Variants in SERPINB6 observed in about 807,000 individuals in gnomAD.
The protein encoded by SERPINB6 is serpin family B member 6, also known as serpin B6.
Under a neutral mutation model 26.1 loss-of-function variants are expected in SERPINB6, and 16 were observed. That is an observed-to-expected ratio of 0.61 (90% CI 0.42 to 0.93). SERPINB6 has a LOEUF of 0.93. SERPINB6 is among the 40% of genes least tolerant of loss of function. The pLI is 0.00. For synonymous variants in SERPINB6, 174 were observed against 176.6 expected (o/e 0.99, Z 0.11); for missense variants, 420 against 478.0 (o/e 0.88, Z 1.13).
chr6:2,968,939 A>T, intron 1 of SERPINB6: 8 of 1,218,844 alleles, frequency 6.6e-6, no homozygotes, highest in Non-Finnish European at 8.2e-6. Flanking sequence ...GTGGAAGCAG[A>T]TGGGGGTCGG....
chr6:2,957,506 T>C (rs1483753756), intron 2 of SERPINB6: 1 of 152,202 alleles, frequency 6.6e-6, no homozygotes, highest in African/African-American at 2.4e-5. Context: ...CAAATCCACT[T>C]TGTTAAACCT....
Position 2,950,431 on chromosome 6 carries a change from G to A in SERPINB6, c.574-1362C>T, listed in dbSNP as rs531311796. The stretch of plus-strand genomic sequence containing the variant: ...TCCTGTAATCCCAGCTACTCGGGAG[G>A]CTGAGGTAGGAGAATCACTTGAACC... On this transcript the variant is annotated intron_variant, in intron 5 of 6. Coordinates refer to ENST00000380539, the MANE Select transcript of SERPINB6 (RefSeq NM_004568.6). Among the ~76,000 whole-genome samples, 6 of 151,836 alleles carry A rather than the reference G, an allele frequency of 4.0e-5. No individual in the cohort carries two copies. In the East Asian group the frequency reaches 9.7e-4, roughly 24 times the overall value.
intron 1 of SERPINB6, chr6:2,970,483 C>A (rs1464265684): frequency 1.8e-6 from 2 of 1,128,522 alleles, no homozygotes; most frequent in South Asian, 8.9e-5. Flanking sequence ...AATACAAGGC[C>A]GGCCCAGGAC....
chr6:2,951,388 G>GAAAA (rs367951075), intron 5 of SERPINB6, among the ~76,000 whole-genome samples: 1 of 86,304 alleles, frequency 1.2e-5, no homozygotes, highest in Non-Finnish European at 2.8e-5. Flanking sequence ...CTCTGTCTTG[G>GAAAA]AAAAAATAAA....
At chr6:2,970,441 G>C in intron 1 of SERPINB6, 1 of 1,074,558 alleles carries the variant, frequency 9.3e-7, no homozygotes, top group African/African-American at 1.6e-5. Context: ...GCAGTCACTG[G>C]TGTTAATCCC....
intron 5 of SERPINB6, 76 bp downstream of exon 5, chr6:2,952,968 T>C: frequency 6.2e-7 from 1 of 1,602,354 alleles, no homozygotes. Context: ...GCCCCACGGC[T>C]GCAGACGCGG....
At chr6:2,959,409 T>G in intron 1 of SERPINB6, 67 bp from the exon 2 acceptor site, 1 of 1,533,372 alleles carries the variant, frequency 6.5e-7, no homozygotes, top group Non-Finnish European at 8.9e-7. Flanking sequence ...TCACGCGCCT[T>G]ACCGACAGTC....
At chr6:2,971,079 C>T in intron 1 of SERPINB6, 1 of 1,136,914 alleles carries the variant, frequency 8.8e-7, no homozygotes, top group Non-Finnish European at 1.1e-6. Flanking sequence ...GCGGAGCGGG[C>T]GAGGGGTCAC....
Position 2,948,407 on chromosome 6 carries a change from C to G in SERPINB6, c.1022G>C (p.Arg341Pro). 1 of 1,614,114 alleles carries G rather than the reference C, an allele frequency of 6.2e-7. No homozygotes were observed. Among genetic ancestry groups the G allele is most frequent in the Non-Finnish European group, 8.5e-7 (1 of 1,180,016 alleles). Residue 341 changes from arginine to proline, a missense_variant, in exon 7 of 7, where the codon CGG (arginine) becomes CCG (proline). By Grantham distance (103) the Arg-to-Pro change is moderately radical (BLOSUM62 -2). Coordinates refer to ENST00000380539, the MANE Select transcript of SERPINB6 (RefSeq NM_004568.6). The surrounding 1 kb of genome is among the most constrained non-coding windows in gnomAD (Gnocchi z 5.0). ...AAATAAIMMM[R>P]CARFVPRFCA... ...GAAGCGGGGGACGAATCTGGCACAC[C>G]GCATCATCATGATGGCAGCTGTGGC...
chr6:2,962,666 G>A (rs966472541), intron 1 of SERPINB6, among the ~76,000 whole-genome samples: 1 of 152,230 alleles, frequency 6.6e-6, no homozygotes, highest in South Asian at 2.1e-4. Flanking sequence ...GCTGACAGCC[G>A]TGAAAGGTAA....
At chr6:2,955,474 C>G in intron 3 of SERPINB6, 50 bp downstream of exon 3, 1 of 1,613,302 alleles carries the variant, frequency 6.2e-7, no homozygotes. Flanking sequence ...CCAGCCCCCA[C>G]TACCTGGCCA....
intron 4 of SERPINB6, among the ~76,000 whole-genome samples, chr6:2,953,694 G>A (rs1402032604): frequency 2.0e-5 from 3 of 152,026 alleles, no homozygotes; most frequent in Admixed American, 6.6e-5. Flanking sequence ...AAATTAGCTG[G>A]GCATGGTGGT....
chr6:2,966,407 G>A (rs964507187), intron 1 of SERPINB6: 67 of 986,736 alleles, frequency 6.8e-5, no homozygotes, highest in Non-Finnish European at 7.7e-5. Flanking sequence ...TACTTTATAT[G>A]CAGGAGTCCC....
chr6:2,951,819 C>T (rs906388531), intron 5 of SERPINB6, among the ~76,000 whole-genome samples: 1 of 152,208 alleles, frequency 6.6e-6, no homozygotes, highest in Non-Finnish European at 1.5e-5. Context: ...TTCTGGCCTA[C>T]ACCATATAGA....
rs57066688 is a variant in SERPINB6, at chr6:2,967,981, CATAAAG to C, written c.-11+3546_-11+3551del. ...GAGAGAGGAATAGAAATCATTCTCCCATAAAGATACACGCACGCGAATGTTCACCGC... is the reference window on the plus strand; with the variant it reads ...GAGAGAGGAATAGAAATCATTCTCCCATACACGCACGCGAATGTTCACCGC... On this transcript the variant is annotated intron_variant, in intron 1 of 6. Transcript: ENST00000380539. The surrounding 1 kb of genome is among the most constrained non-coding windows in gnomAD (Gnocchi z 4.3). 0.081 allele frequency: 12,341 copies of C among 152,170 alleles called. 513 individuals are homozygous for C. The highest frequency in any genetic ancestry group is 0.16 in the East Asian group (822 of 5,178). 9.4% of individuals were successfully genotyped at this position (152,170 alleles called of 1,614,324 possible).
rs2113088603 is a variant in SERPINB6 at position 2,948,360 on chromosome 6, AAAGG to A, written c.1065_1068del (p.Leu356SerfsTer?). 1.2e-6 allele frequency: 2 copies of A among 1,614,088 alleles called. No homozygotes were observed. The highest frequency in any genetic ancestry group is 2.7e-5 in the African/African-American group (2 of 75,006). On this transcript the variant is annotated frameshift_variant, in exon 7 of 7. Transcript: ENST00000380539. LOFTEE classifies it high-confidence loss of function. This position sits in a 1 kb window ranked among gnomAD's most constrained non-coding sequence, Gnocchi z 5.0. ...TTGGTCTTGCTGTGCTGGATGAAGA[AAAGG>A]AAGGGGTGGTCGGCGCAGAAGCGGG...
intron 1 of SERPINB6, among the ~76,000 whole-genome samples, chr6:2,965,269 G>C (rs1330943110): frequency 6.6e-6 from 1 of 152,096 alleles, no homozygotes. Context: ...TTCGACACAA[G>C]GAATAATCTA....
At position 2,948,383 on chromosome 6, in the gene SERPINB6, A is replaced by G. The variant is rs571608493; in HGVS notation, c.1046T>C (p.Phe349Ser). Reference protein sequence around the residue: ...MMRCARFVPRFCADHPFLFFI... With the variant: ...MMRCARFVPRSCADHPFLFFI... ...GAAAAGGAAGGGGTGGTCGGCGCAG[A>G]AGCGGGGGACGAATCTGGCACACCG... Residue 349 changes from phenylalanine (F) to serine (S), a missense_variant, in exon 7 of 7, where the codon TTC (phenylalanine) becomes TCC (serine). Coordinates refer to ENST00000380539, the MANE Select transcript of SERPINB6 (RefSeq NM_004568.6). This position sits in a 1 kb window ranked among gnomAD's most constrained non-coding sequence, Gnocchi z 5.0. 8.7e-6 allele frequency: 14 copies of G among 1,614,134 alleles called. No homozygotes were observed. In the South Asian group the frequency reaches 1.4e-4, roughly 16 times the overall value.
rs1770832788 is a variant in SERPINB6, at chr6:2,959,215, T to C, written c.118A>G (p.Met40Val). The C allele has an allele frequency of 1.2e-6, 2 of 1,614,200 alleles. No individual in the cohort carries two copies. Among genetic ancestry groups the C allele is most frequent in the African/African-American group, 1.3e-5 (1 of 75,040 alleles). ...TTTCCCTTTGCCCCCATGTAGACCA[T>C]GGCCAGGGCACAGGACATGCTCATG... ...SPMSMSCALAMVYMGAKGNTA... is the reference protein window; with the variant it reads ...SPMSMSCALAVVYMGAKGNTA... Residue 40 changes from methionine (M) to valine (V), a missense_variant, in exon 2 of 7, where the codon ATG becomes GTG. Transcript: ENST00000380539.
Sources: gnomAD v4.1 joint callset for allele counts (sites outside exome capture counted in the v4.1 genomes callset) on GRCh38, gnomAD v4.1.1 for gene constraint, Gnocchi (gnomAD v3.1) non-coding constraint, MANE v1.5 for transcripts, NCBI Gene and HGNC (gene_info 2026-07-23, HGNC 2026-07-21) for gene names.